THBD: variants seen among roughly 807,000 people sequenced by gnomAD.
THBD encodes the protein CD141 antigen.
For synonymous variants in THBD, 449 were observed against 374.2 expected (o/e 1.20, Z -2.31); for missense variants, 850 against 816.9 (o/e 1.04, Z -0.49).
chr20:23,049,294 T>A lies in THBD; in HGVS notation c.211A>T (p.Ile71Phe), dbSNP rs769367482. Residue 71 changes from isoleucine to phenylalanine, a missense_variant, in exon 1 of 1, where the codon ATT (isoleucine) becomes TTT (phenylalanine). By Grantham distance (21) the Ile-to-Phe change is conservative (BLOSUM62 0). Transcript: ENST00000377103. ...CCGTCGCCGTTCAGTAGCAAGGAAA[T>A]GACATCGGCAGCCACCGAGGAGCGC... ...TVRSSVAADV[I>F]SLLLNGDGGV... 18 of 1,263,088 alleles carry A rather than the reference T, an allele frequency of 1.4e-5. No individual in the cohort carries two copies. The highest frequency in any genetic ancestry group is 1.9e-5 in the Non-Finnish European group (18 of 943,114). 78.2% of individuals were successfully genotyped at this position (1,263,088 alleles called of 1,614,324 possible). A position where few individuals can be genotyped will look rare whatever the true frequency, so the allele number is the denominator to read the frequency against.
In THBD at chr20:23,047,824, C is replaced by T; in HGVS notation, c.1681G>A (p.Val561Ile). 3 of 1,599,320 alleles carry T rather than the reference C, an allele frequency of 1.9e-6. No individual in the cohort carries two copies. Among genetic ancestry groups the T allele is most frequent in the Non-Finnish European group, 1.7e-6 (2 of 1,173,396 alleles). ...TCGGTCCGCACGTGCTGCAGCACTA[C>T]CTCCTTGGAAGGGGCCGCGCACTTG... ...EYKCAAPSKE[V>I]VLQHVRTERT... Residue 561 changes from valine to isoleucine, a missense_variant, in exon 1 of 1, where the codon GTA becomes ATA. Coordinates refer to ENST00000377103, the MANE Select transcript of THBD (RefSeq NM_000361.3).
Position 23,049,379 on chromosome 20 carries a change from G to T in THBD, c.126C>A (p.Pro42=), listed in dbSNP as rs1469286596. The change falls in exon 1 of 1, where the codon CCC becomes CCA. Residue 42 remains proline, a synonymous_variant. Coordinates refer to ENST00000377103, the MANE Select transcript of THBD (RefSeq NM_000361.3). ...TCTGACTGGCATTGAGGAAGGTCGC[G>T]GGGCCCGGGTAGAGCGCGAAGCAGT... ...EHDCFALYPG[P]ATFLNASQIC... is the part of the protein sequence containing the mutation. The T allele has an allele frequency of 2.5e-6, 4 of 1,601,980 alleles. No homozygotes were observed. Among genetic ancestry groups the T allele is most frequent in the Non-Finnish European group, 3.4e-6 (4 of 1,175,478 alleles).
chr20:23,049,441 C>A lies in THBD; in HGVS notation c.64G>T (p.Glu22Ter). Residue 22 changes from glutamate to a stop codon, truncating the protein, a stop_gained, in exon 1 of 1, where the codon GAG becomes TAG. Transcript: ENST00000377103. LOFTEE classifies it low-confidence loss of function (END_TRUNC). ...LAGLGFPAPA[E>*]PQPGGSQCVE... ...CACTGGCTGCCACCCGGCTGCGGCT[C>A]TGCGGGTGCGGGGAACCCCAGGCCG... 6.4e-7 allele frequency: 1 copy of A among 1,561,676 alleles called. No individual in the cohort carries two copies. Among genetic ancestry groups the A allele is most frequent in the Non-Finnish European group, 8.7e-7 (1 of 1,154,388 alleles).
rs2122665681 is a variant in THBD at position 23,046,243 on chromosome 20, G to T, written c.*1534C>A. 6.5e-6 allele frequency: 1 copy of T among 152,712 alleles called. No individual in the cohort carries two copies. The allele number at this position is 152,712 out of a possible 1,614,324, so 9.5% of individuals were successfully genotyped here. On this transcript the variant is annotated 3_prime_UTR_variant, in exon 1 of 1. Coordinates refer to ENST00000377103, the MANE Select transcript of THBD (RefSeq NM_000361.3). ...TGCAGACCCTGTGTGGCAGTGTCTA[G>T]AGCTGTGTACCTAGCCTTTTCTACC... is the stretch of plus-strand genomic sequence containing the variant.
Position 23,049,535 on chromosome 20 carries a change from G to A in THBD, c.-31C>T. The A allele has an allele frequency of 6.5e-7, 1 of 1,533,492 alleles. No homozygotes were observed. The highest frequency in any genetic ancestry group is 8.8e-7 in the Non-Finnish European group (1 of 1,138,506). The allele number at this position is 1,533,492 out of a possible 1,614,324, so 95.0% of individuals were successfully genotyped here. Reference sequence around the variant, plus strand: ...CCAGGCGCGCCGCGTGCAGGCGCCGGGGAAAGCGCGGGCACTGCGACAGGG... The same window carrying A: ...CCAGGCGCGCCGCGTGCAGGCGCCGAGGAAAGCGCGGGCACTGCGACAGGG... On this transcript the variant is annotated 5_prime_UTR_variant, in exon 1 of 1. Transcript: ENST00000377103.
chr20:23,048,821 G>T lies in THBD; in HGVS notation c.684C>A (p.Pro228=), dbSNP rs1473383929. ...LGLQLMCTAP[P]GAVQGHWARE... ...TGGCCCAGTGCCCCTGGACCGCTCC[G>T]GGCGGCGCGGTGCACATTAGCTGTA... Residue 228 remains proline, a synonymous_variant, in exon 1 of 1, where the codon CCC becomes CCA. Coordinates refer to ENST00000377103, the MANE Select transcript of THBD (RefSeq NM_000361.3). The T allele has an allele frequency of 1.3e-6, 2 of 1,518,160 alleles. No individual in the cohort carries two copies. Among genetic ancestry groups the T allele is most frequent in the Non-Finnish European group, 1.8e-6 (2 of 1,138,058 alleles). 94.0% of individuals were successfully genotyped at this position (1,518,160 alleles called of 1,614,324 possible).
In THBD at chr20:23,049,217, G is replaced by T; in HGVS notation, c.288C>A (p.Cys96Ter). The T allele has an allele frequency of 1.3e-6, 2 of 1,556,956 alleles. No individual in the cohort carries two copies. The highest frequency in any genetic ancestry group is 1.4e-5 in the African/African-American group (1 of 73,788). ...LWIGLQLPPG[C>*]GDPKRLGPLR... ...GGGGCCCGAGGCGCTTGGGGTCGCCGCAGCCGGGTGGCAGCTGCAGGCCGA... is the reference window on the plus strand; with the variant it reads ...GGGGCCCGAGGCGCTTGGGGTCGCCTCAGCCGGGTGGCAGCTGCAGGCCGA... Residue 96 changes from cysteine to a stop codon, truncating the protein, a stop_gained, in exon 1 of 1, where the codon TGC becomes TGA. Transcript: ENST00000377103. LOFTEE classifies it low-confidence loss of function (END_TRUNC).
chr20:23,048,055 T>C lies in THBD; in HGVS notation c.1450A>G (p.Lys484Glu), dbSNP rs1042394779. 1.2e-6 allele frequency: 2 copies of C among 1,612,634 alleles called. No individual in the cohort carries two copies. The highest frequency in any genetic ancestry group is 1.7e-6 in the Non-Finnish European group (2 of 1,179,518). Residue 484 changes from lysine to glutamate, a missense_variant, in exon 1 of 1, where the codon AAG becomes GAG. Transcript: ENST00000377103. ...RHIGTDCDSGKVDGGDSGSGE... is the reference protein window; with the variant it reads ...RHIGTDCDSGEVDGGDSGSGE... ...GAGCCGCTGTCGCCACCGTCCACCT[T>C]GCCGGAGTCACAGTCGGTGCCAATG...
chr20:23,048,321 G>A lies in THBD; in HGVS notation c.1184C>T (p.Ala395Val), dbSNP rs759926568. Reference protein sequence around the residue: ...SYLCVCAEGFAPIPHEPHRCQ... With the variant: ...SYLCVCAEGFVPIPHEPHRCQ... ...CCTGTGCGGCTCGTGGGGAATGGGC[G>A]CGAAGCCCTCGGCGCAGACGCAGAG... The change falls in exon 1 of 1, where the codon GCG (alanine) becomes GTG (valine). Residue 395 changes from alanine to valine, a missense_variant. Coordinates refer to ENST00000377103, the MANE Select transcript of THBD (RefSeq NM_000361.3). 1.2e-5 allele frequency: 19 copies of A among 1,613,774 alleles called. No individual in the cohort carries two copies. The highest frequency in any genetic ancestry group is 1.6e-4 in the Middle Eastern group (1 of 6,084).
chr20:23,047,779 A>T lies in THBD; in HGVS notation c.1726T>A (p.Ter576ArgextTer55), dbSNP rs774607361. The change falls in exon 1 of 1, where the codon TGA becomes AGA. Residue 576 changes from the stop codon to arginine (R), a stop_lost. Coordinates refer to ENST00000377103, the MANE Select transcript of THBD (RefSeq NM_000361.3). ...VRTERTPQRL[*>R] is the part of the protein sequence containing the mutation. ...CCAGGCTCCTGGACGGAGGCCGCTC[A>T]GAGTCTCTGCGGCGTCCGCTCGGTC... 3.2e-6 allele frequency: 5 copies of T among 1,581,120 alleles called. No homozygotes were observed. The highest frequency in any genetic ancestry group is 4.3e-6 in the Non-Finnish European group (5 of 1,164,826).
rs41282276 is a variant in THBD, at chr20:23,047,257, G to A, written c.*520C>T. The A allele has an allele frequency of 1.3e-5, 2 of 154,252 alleles. No individual in the cohort carries two copies. The highest frequency in any genetic ancestry group is 2.9e-5 in the Non-Finnish European group (2 of 69,438). The allele number at this position is 154,252 out of a possible 1,614,324, so 9.6% of individuals were successfully genotyped here. A position where few individuals can be genotyped will look rare whatever the true frequency, so the allele number is the denominator to read the frequency against. On this transcript the variant is annotated 3_prime_UTR_variant, in exon 1 of 1. Transcript: ENST00000377103. ...TAAGTGGGGCTTGCTTCATAAATGT[G>A]AGAGGGCTAGGAAAAAAAAATTCAC...
chr20:23,047,625 C>T lies in THBD; in HGVS notation c.*152G>A. The T allele has an allele frequency of 1.1e-6, 1 of 921,406 alleles. No individual in the cohort carries two copies. Among genetic ancestry groups the T allele is most frequent in the Non-Finnish European group, 1.6e-6 (1 of 628,612 alleles). 57.1% of individuals were successfully genotyped at this position (921,406 alleles called of 1,614,324 possible). On this transcript the variant is annotated 3_prime_UTR_variant, in exon 1 of 1. Coordinates refer to ENST00000377103, the MANE Select transcript of THBD (RefSeq NM_000361.3). Reference sequence around the variant, plus strand: ...ATTCTCCTCCCTCTAATCACCCCCTCGCCAGTTAGCCATGGAATAGAAGAA... The same window carrying T: ...ATTCTCCTCCCTCTAATCACCCCCTTGCCAGTTAGCCATGGAATAGAAGAA...
At position 23,049,584 on chromosome 20, in the gene THBD, G is replaced by A; in HGVS notation, c.-80C>T. 6.6e-7 allele frequency: 1 copy of A among 1,518,548 alleles called. No homozygotes were observed. Among genetic ancestry groups the A allele is most frequent in the Non-Finnish European group, 8.9e-7 (1 of 1,120,024 alleles). The allele number at this position is 1,518,548 out of a possible 1,614,324, so 94.1% of individuals were successfully genotyped here. A position where few individuals can be genotyped will look rare whatever the true frequency, so the allele number is the denominator to read the frequency against. ...GGCCGTGCCGGAGCAGAGGGGCACA[G>A]GACGCCGATGGCGACAGCCTCTCCT... On this transcript the variant is annotated 5_prime_UTR_variant, in exon 1 of 1. Transcript: ENST00000377103.
At position 23,047,674 on chromosome 20, in the gene THBD, G is replaced by C; in HGVS notation, c.*103C>G. 7.2e-7 allele frequency: 1 copy of C among 1,386,348 alleles called. No individual in the cohort carries two copies. The highest frequency in any genetic ancestry group is 2.5e-5 in the East Asian group (1 of 39,670). The allele number at this position is 1,386,348 out of a possible 1,614,324, so 85.9% of individuals were successfully genotyped here. A position where few individuals can be genotyped will look rare whatever the true frequency, so the allele number is the denominator to read the frequency against. ...AAAACAGCTTGGGGGGTGCGGGGAG[G>C]GTCTTCTCCAGCTGTAATGCCAGCT... On this transcript the variant is annotated 3_prime_UTR_variant, in exon 1 of 1. Transcript: ENST00000377103.
chr20:23,049,579 G>C lies in THBD; in HGVS notation c.-75C>G. ...GACAGGGCCGTGCCGGAGCAGAGGG[G>C]CACAGGACGCCGATGGCGACAGCCT... On this transcript the variant is annotated 5_prime_UTR_variant, in exon 1 of 1. Transcript: ENST00000377103. The C allele has an allele frequency of 6.5e-7, 1 of 1,527,652 alleles. No homozygotes were observed. The highest frequency in any genetic ancestry group is 1.4e-5 in the African/African-American group (1 of 72,286). The allele number at this position is 1,527,652 out of a possible 1,614,324, so 94.6% of individuals were successfully genotyped here. A position where few individuals can be genotyped will look rare whatever the true frequency, so the allele number is the denominator to read the frequency against.
rs1209609793 is a variant in THBD, at chr20:23,048,200, G to A, written c.1305C>T (p.Asp435=). The A allele has an allele frequency of 1.2e-6, 2 of 1,613,922 alleles. No individual in the cohort carries two copies. Among genetic ancestry groups the A allele is most frequent in the African/African-American group, 1.3e-5 (1 of 74,948 alleles). Reference sequence around the variant, plus strand: ...CGTCGATGTCCGTGCAGATGAAACCGTCGTCCAGGATGTAGCCTTCAGGGC... The same window carrying A: ...CGTCGATGTCCGTGCAGATGAAACCATCGTCCAGGATGTAGCCTTCAGGGC... ...CECPEGYILD[D]GFICTDIDEC... is the part of the protein sequence containing the mutation. The change falls in exon 1 of 1, where the codon GAC becomes GAT. Residue 435 remains aspartate (D), a synonymous_variant. Transcript: ENST00000377103.
At position 23,048,639 on chromosome 20, in the gene THBD, T is replaced by A. The variant is rs143748797; in HGVS notation, c.866A>T (p.Asn289Ile). The A allele has an allele frequency of 3.1e-5, 50 of 1,595,922 alleles. No individual in the cohort carries two copies. In the African/African-American group the frequency reaches 6.5e-4, roughly 21 times the overall value. ...AACGCAGAAGTGCTCGCAGAGGTCGTTGCAGGACTGCGTCGCGGATGCGGT... is the reference window on the plus strand; with the variant it reads ...AACGCAGAAGTGCTCGCAGAGGTCGATGCAGGACTGCGTCGCGGATGCGGT... ...SCTASATQSC[N>I]DLCEHFCVPN... Residue 289 changes from asparagine (N) to isoleucine (I), a missense_variant, in exon 1 of 1, where the codon AAC (asparagine) becomes ATC (isoleucine). Coordinates refer to ENST00000377103, the MANE Select transcript of THBD (RefSeq NM_000361.3).
rs868386751 is a variant in THBD, at chr20:23,047,869, C to A, written c.1636G>T (p.Ala546Ser). 5 of 1,601,750 alleles carry A rather than the reference C, an allele frequency of 3.1e-6. No individual in the cohort carries two copies. Among genetic ancestry groups the A allele is most frequent in the Admixed American group, 3.4e-5 (2 of 58,082 alleles). ...LCHLRKKQGA[A>S]RAKMEYKCAA... Reference sequence around the variant, plus strand: ...CACTTGTACTCCATCTTGGCCCTGGCGGCGCCCTGCTTCTTGCGCAGGTGG... The same window carrying A: ...CACTTGTACTCCATCTTGGCCCTGGAGGCGCCCTGCTTCTTGCGCAGGTGG... The change falls in exon 1 of 1, where the codon GCC becomes TCC. Residue 546 changes from alanine to serine, a missense_variant. Physicochemically the swap from Ala to Ser is moderately conservative, Grantham distance 99. Transcript: ENST00000377103.
In THBD at chr20:23,047,630, G is replaced by C; in HGVS notation, c.*147C>G. On this transcript the variant is annotated 3_prime_UTR_variant, in exon 1 of 1. Transcript: ENST00000377103. ...CCTCCCTCTAATCACCCCCTCGCCA[G>C]TTAGCCATGGAATAGAAGAAAACAG... The C allele has an allele frequency of 1.0e-6, 1 of 974,304 alleles. No homozygotes were observed. The highest frequency in any genetic ancestry group is 1.5e-6 in the Non-Finnish European group (1 of 676,220). The allele number at this position is 974,304 out of a possible 1,614,324, so 60.4% of individuals were successfully genotyped here.
Sources: gnomAD v4.1 joint callset for allele counts on GRCh38, gnomAD v4.1.1 for gene constraint, MANE v1.5 for transcripts, NCBI Gene and HGNC (gene_info 2026-07-23, HGNC 2026-07-21) for gene names.